The following ITGBL1 variants were observed in gnomAD, a reference collection of about 807,000 sequenced individuals.
The protein encoded by ITGBL1 is integrin subunit beta like 1, also known as integrin beta-like protein 1.
ITGBL1 carries 51 observed loss-of-function variants against 68.5 expected under a neutral mutation model. That is an observed-to-expected ratio of 0.74 (90% confidence interval 0.59 to 0.94). The LOEUF is 0.94. Ranked by LOEUF, ITGBL1 falls within the 40% of genes least tolerant of loss-of-function variation. The probability of loss-of-function intolerance (pLI) is 0.00; values close to 1 mark genes in which losing one functional copy is unlikely to be tolerated. For synonymous variants in ITGBL1, 209 were observed against 227.3 expected (o/e 0.92, Z 0.72); for missense variants, 649 against 647.4 (o/e 1.00, Z -0.03).
At chr13:101,461,264 C>T (rs952579869) in intron 2 of ITGBL1, among the ~76,000 whole-genome samples, 1 of 152,164 alleles carries the variant, frequency 6.6e-6, no homozygotes, top group African/African-American at 2.4e-5. Flanking sequence ...AAACACAATG[C>T]TAAAACTGAC....
intron 7 of ITGBL1, among the ~76,000 whole-genome samples, chr13:101,664,536 TA>T (rs924291148): frequency 2.0e-5 from 3 of 152,202 alleles, no homozygotes; most frequent in East Asian, 3.8e-4. Context: ...AGGTAAGGGT[TA>T]AAAATACTGT....
At chr13:101,617,542 A>G (rs186907522) in intron 7 of ITGBL1, among the ~76,000 whole-genome samples, 2 of 152,334 alleles carry the variant, frequency 1.3e-5, no homozygotes, top group East Asian at 3.9e-4. Context: ...AGAAACAAGA[A>G]GAGAAATAAT....
intron 7 of ITGBL1, among the ~76,000 whole-genome samples, chr13:101,668,668 A>C (rs1273180538): frequency 2.6e-5 from 4 of 152,208 alleles, no homozygotes; most frequent in Non-Finnish European, 2.9e-5. Context: ...AATTGTTTAA[A>C]ATAAATAGGT....
chr13:101,679,248 G>A (rs1213258178), intron 7 of ITGBL1, among the ~76,000 whole-genome samples: 2 of 152,126 alleles, frequency 1.3e-5, no homozygotes, highest in Non-Finnish European at 2.9e-5. Context: ...TTATATCAAC[G>A]ACAACACTTT....
In ITGBL1 at chr13:101,607,705, T is replaced by A. The variant is rs141066439; in HGVS notation, c.1015+9406T>A. 2.6e-3 allele frequency among the ~76,000 whole-genome samples: 397 copies of A among 152,184 alleles called. 1 individual carries two copies. The highest frequency in any genetic ancestry group is 9.1e-3 in the African/African-American group (379 of 41,564). ...CAGGTGTGCTCTCCTGCCGGGGGCTTAAGAAAAGTCTTCTTCCCCCACCAC... is the reference window on the plus strand; with the variant it reads ...CAGGTGTGCTCTCCTGCCGGGGGCTAAAGAAAAGTCTTCTTCCCCCACCAC... On this transcript the variant is annotated intron_variant, in intron 7 of 10. Transcript: ENST00000376180.
chr13:101,504,393 T>A (rs938790094), intron 2 of ITGBL1, among the ~76,000 whole-genome samples: 2 of 152,210 alleles, frequency 1.3e-5, no homozygotes, highest in South Asian at 2.1e-4. Flanking sequence ...TTACACTGAT[T>A]CTCAGAATTG....
intron 6 of ITGBL1, among the ~76,000 whole-genome samples, chr13:101,583,607 A>G (rs1437108949): frequency 6.6e-6 from 1 of 152,136 alleles, no homozygotes; most frequent in Non-Finnish European, 1.5e-5. Flanking sequence ...CTTATTTCAC[A>G]TTGCATGCCC....
chr13:101,552,948 A>G (rs915343), intron 2 of ITGBL1, among the ~76,000 whole-genome samples: 120,777 of 152,160 alleles, frequency 0.79, 47,961 homozygotes, highest in African/African-American at 0.83. Context: ...CCTCAGGCAT[A>G]ATTTGTCAGC....
rs555600590 is a variant in ITGBL1 at position 101,487,519 on chromosome 13, A to G, written c.316+33419A>G. The stretch of plus-strand genomic sequence containing the variant: ...TTGACAAAATATTTAATATAAATCA[A>G]TGTGATGTTTAGTTCAATTACCTCA... On this transcript the variant is annotated intron_variant, in intron 2 of 10. Transcript: ENST00000376180. Among the ~76,000 whole-genome samples, 4 of 152,360 alleles carry G rather than the reference A, an allele frequency of 2.6e-5. No individual in the cohort carries two copies. In the East Asian group the frequency reaches 7.7e-4, roughly 29 times the overall value.
intron 7 of ITGBL1, among the ~76,000 whole-genome samples, chr13:101,636,904 C>G (rs1319639367): frequency 6.6e-6 from 1 of 152,118 alleles, no homozygotes; most frequent in Non-Finnish European, 1.5e-5. Flanking sequence ...CTCATCACAT[C>G]AAATTTTTTG....
intron 2 of ITGBL1, among the ~76,000 whole-genome samples, chr13:101,472,260 G>T (rs2048472323): frequency 6.6e-6 from 1 of 152,096 alleles, no homozygotes; most frequent in African/African-American, 2.4e-5. Flanking sequence ...CCTTCCAAAT[G>T]CTCTTAGTGT....
intron 2 of ITGBL1, among the ~76,000 whole-genome samples, chr13:101,465,292 T>G (rs532624178): frequency 3.2e-4 from 48 of 152,148 alleles, no homozygotes; most frequent in Non-Finnish European, 5.9e-4. Context: ...AAAATTAGGT[T>G]TCATTGGAAA....
intron 2 of ITGBL1, among the ~76,000 whole-genome samples, chr13:101,482,552 G>A (rs1037795626): frequency 3.9e-5 from 6 of 152,024 alleles, no homozygotes; most frequent in African/African-American, 1.4e-4. Context: ...AAATTTAATT[G>A]TAGCATAGTA....
intron 2 of ITGBL1, among the ~76,000 whole-genome samples, chr13:101,491,636 T>A (rs1277691084): frequency 4.6e-5 from 7 of 151,538 alleles, no homozygotes; most frequent in East Asian, 3.9e-4. Flanking sequence ...TATTTTTTTT[T>A]AAATTATACT....
intron 2 of ITGBL1, among the ~76,000 whole-genome samples, chr13:101,507,508 T>C (rs1195665475): frequency 6.6e-6 from 1 of 152,188 alleles, no homozygotes; most frequent in African/African-American, 2.4e-5. Context: ...ATATAAATTA[T>C]TTGATATTTT....
chr13:101,696,494 T>G (rs1222369935), intron 8 of ITGBL1, among the ~76,000 whole-genome samples: 1 of 152,182 alleles, frequency 6.6e-6, no homozygotes, highest in Non-Finnish European at 1.5e-5. Flanking sequence ...GTTGCTCCCT[T>G]TGGAACATAT....
chr13:101,579,375 G>C lies in ITGBL1; in HGVS notation c.675G>C (p.Trp225Cys). Residue 225 changes from tryptophan to cysteine, a missense_variant, in exon 5 of 11, where the codon TGG (tryptophan) becomes TGC (cysteine). Transcript: ENST00000376180. ...AATTCCAGTGCGATATCACCCCCTG[G>C]GAAAGCAAGCGAAGATGCACGTCTC... ...KCEFQCDITP[W>C]ESKRRCTSPD... 6.2e-7 allele frequency: 1 copy of C among 1,613,860 alleles called. No individual in the cohort carries two copies. Among genetic ancestry groups the C allele is most frequent in the South Asian group, 1.1e-5 (1 of 91,080 alleles).
chr13:101,566,275 C>G (rs1223474781), intron 2 of ITGBL1, among the ~76,000 whole-genome samples: 1 of 152,030 alleles, frequency 6.6e-6, no homozygotes, highest in Non-Finnish European at 1.5e-5. Flanking sequence ...TATCAAAGAG[C>G]CTTAACCACT....
At chr13:101,573,078 T>C (rs558522030) in intron 3 of ITGBL1, among the ~76,000 whole-genome samples, 1 of 152,260 alleles carries the variant, frequency 6.6e-6, no homozygotes, top group East Asian at 1.9e-4. Context: ...TTATTTTCTA[T>C]AGCACTTAGT....
Sources: gnomAD v4.1 joint callset for allele counts (sites outside exome capture counted in the v4.1 genomes callset) on GRCh38, gnomAD v4.1.1 for gene constraint, MANE v1.5 for transcripts, NCBI Gene and HGNC (gene_info 2026-07-23, HGNC 2026-07-21) for gene names.